The following LFNG variants were observed in gnomAD, a reference collection of about 807,000 sequenced individuals.
The protein encoded by LFNG is LFNG O-fucosylpeptide 3-beta-N-acetylglucosaminyltransferase, also known as beta-1,3-N-acetylglucosaminyltransferase lunatic fringe.
LFNG carries 15 observed loss-of-function variants against 32.7 expected under a neutral mutation model. That is an observed-to-expected ratio of 0.46 (90% CI 0.31 to 0.71). LFNG has a LOEUF of 0.71. LFNG is among the 30% of genes least tolerant of loss of function. LFNG has a pLI of 0.06. For missense variants in LFNG, 520 were observed against 545.7 expected (o/e 0.95, Z 0.47); for synonymous variants, 274 against 246.8 (o/e 1.11, Z -1.03).
upstream of LFNG, chr7:2,513,309 G>A (rs746517386): frequency 6.2e-7 from 1 of 1,606,762 alleles, no homozygotes; most frequent in Admixed American, 1.7e-5. Flanking sequence ...AGGTCCTACG[G>A]AGGTGGCCTC....
At chr7:2,524,544 C>T (rs1455372763) in intron 1 of LFNG, 151 bp from the exon 2 acceptor site, 8 of 750,056 alleles carry the variant, frequency 1.1e-5, no homozygotes, top group Non-Finnish European at 1.9e-5. Context: ...CTTCTCAGCA[C>T]GAGTGGGGAA....
At chr7:2,514,948 A>G (rs1357794056), upstream of LFNG, among the ~76,000 whole-genome samples, 2 of 151,342 alleles carry the variant, frequency 1.3e-5, no homozygotes, top group African/African-American at 4.9e-5. Context: ...CCATGTATCT[A>G]TCCATTCATC....
Position 2,527,358 on chromosome 7 carries a change from C to A in LFNG, c.*146C>A. On this transcript the variant is annotated 3_prime_UTR_variant, in exon 8 of 8. Transcript: ENST00000222725. This position sits in a 1 kb window ranked among gnomAD's most constrained non-coding sequence, Gnocchi z 4.4. ...TGTGCGTGTGTGTGTGTGTGTACTG[C>A]ATGCCCACCCGGGTAGCAGGCTGCT... The A allele has an allele frequency of 7.6e-6, 11 of 1,442,796 alleles. No homozygotes were observed. The highest frequency in any genetic ancestry group is 1.4e-5 in the South Asian group (1 of 72,600). 89.4% of individuals were successfully genotyped at this position (1,442,796 alleles called of 1,614,324 possible). A position where few individuals can be genotyped will look rare whatever the true frequency, so the allele number is the denominator to read the frequency against.
At chr7:2,521,462 G>T (rs1312018740) in intron 1 of LFNG, among the ~76,000 whole-genome samples, 1 of 152,212 alleles carries the variant, frequency 6.6e-6, no homozygotes, top group Non-Finnish European at 1.5e-5. Context: ...GAAAGGCGTC[G>T]GGCCCCTTGT....
Position 2,527,588 on chromosome 7 carries a change from C to G in LFNG, c.*376C>G, listed in dbSNP as rs1780031642. On this transcript the variant is annotated 3_prime_UTR_variant, in exon 8 of 8. Coordinates refer to ENST00000222725, the MANE Select transcript of LFNG (RefSeq NM_001040167.2). The surrounding 1 kb of genome is among the most constrained non-coding windows in gnomAD (Gnocchi z 4.4). The stretch of plus-strand genomic sequence containing the variant: ...AGGGATGCGATGCGTAGGTGCCTTT[C>G]TCTTCCTGCTGACCACAAGCTCTGT... The G allele has an allele frequency of 8.3e-7, 1 of 1,200,042 alleles. No individual in the cohort carries two copies. The highest frequency in any genetic ancestry group is 1.6e-5 in the South Asian group (1 of 61,256). The allele number at this position is 1,200,042 out of a possible 1,614,324, so 74.3% of individuals were successfully genotyped here. A position where few individuals can be genotyped will look rare whatever the true frequency, so the allele number is the denominator to read the frequency against.
chr7:2,512,590 G>A (rs1435101469), exon 1 of LFNG: 3 of 1,458,278 alleles, frequency 2.1e-6, no homozygotes, highest in African/African-American at 1.4e-5. Context: ...CAGAGGCCAA[G>A]GCGGCTCCTG....
At chr7:2,519,261 C>G (rs1357183658), upstream of LFNG, among the ~76,000 whole-genome samples, 1 of 152,164 alleles carries the variant, frequency 6.6e-6, no homozygotes, top group Non-Finnish European at 1.5e-5. Context: ...CTGAACCGAG[C>G]GCTCGGGAAG....
rs1780005621 is a variant in LFNG at position 2,527,077 on chromosome 7, G to A, written c.1074-69G>A. 6.6e-7 allele frequency: 1 copy of A among 1,520,460 alleles called. No homozygotes were observed. Among genetic ancestry groups the A allele is most frequent in the African/African-American group, 1.4e-5 (1 of 72,718 alleles). The allele number at this position is 1,520,460 out of a possible 1,614,324, so 94.2% of individuals were successfully genotyped here. A position where few individuals can be genotyped will look rare whatever the true frequency, so the allele number is the denominator to read the frequency against. On this transcript the variant is annotated intron_variant, in intron 7 of 7. Transcript: ENST00000222725. This position sits in a 1 kb window ranked among gnomAD's most constrained non-coding sequence, Gnocchi z 4.4. ...CTCGGGGTGGGGCCGCCAGTGTTGT[G>A]GGACTGCAAATGGGAGCTCAGCACC...
chr7:2,517,133 C>T (rs1161487565), upstream of LFNG, among the ~76,000 whole-genome samples: 1 of 152,192 alleles, frequency 6.6e-6, no homozygotes, highest in Non-Finnish European at 1.5e-5. Flanking sequence ...GACCTGGGGT[C>T]TGGATGGGGA....
In LFNG at chr7:2,526,981, T is replaced by G. The variant is rs1326989727; in HGVS notation, c.1073+60T>G. 4.0e-6 allele frequency: 6 copies of G among 1,513,818 alleles called. No individual in the cohort carries two copies. In the East Asian group the frequency reaches 1.4e-4, roughly 35 times the overall value. 93.8% of individuals were successfully genotyped at this position (1,513,818 alleles called of 1,614,324 possible). A position where few individuals can be genotyped will look rare whatever the true frequency, so the allele number is the denominator to read the frequency against. ...GGTGGCCTAGGGGCGTCAGGGGGCC[T>G]CGTGGAGCTGCAGCAGGGTCTCTCT... On this transcript the variant is annotated intron_variant, in intron 7 of 7. Transcript: ENST00000222725. The surrounding 1 kb of genome is among the most constrained non-coding windows in gnomAD (Gnocchi z 6.9).
intron 3 of LFNG, 24 bp from the exon 4 acceptor site, chr7:2,525,390 C>T (rs770149601): frequency 1.2e-6 from 2 of 1,612,588 alleles, no homozygotes; most frequent in Non-Finnish European, 1.7e-6. Flanking sequence ...ATGCCCTCCC[C>T]CGATGGCCCT....
Position 2,528,122 on chromosome 7 carries a change from G to GA in LFNG, c.*916dup, listed in dbSNP as rs1213038156. On this transcript the variant is annotated 3_prime_UTR_variant, in exon 8 of 8. Transcript: ENST00000222725. ...TTTATCTTATCTTTTCTGTGGATCAGAAAAAACAGAAGCCAAACTCGGGGT... is the reference window on the plus strand; with the variant it reads ...TTTATCTTATCTTTTCTGTGGATCAGAAAAAAACAGAAGCCAAACTCGGGGT... The GA allele has an allele frequency of 1.0e-6, 1 of 985,550 alleles. No homozygotes were observed. Among genetic ancestry groups the GA allele is most frequent in the South Asian group, 4.7e-5 (1 of 21,282 alleles). The allele number at this position is 985,550 out of a possible 1,614,324, so 61.1% of individuals were successfully genotyped here. A position where few individuals can be genotyped will look rare whatever the true frequency, so the allele number is the denominator to read the frequency against.
Position 2,526,776 on chromosome 7 carries a change from CTGGGGCGGGGCCCAGGGA to C in LFNG, c.988-57_988-40del. ...CCTCACTCAGGGCTGTGTGGCCAGC[CTGGGGCGGGGCCCAGGGA>C]TGTCGGGCCCCTCCCGGCATCACTC... On this transcript the variant is annotated intron_variant, in intron 6 of 7. Coordinates refer to ENST00000222725, the MANE Select transcript of LFNG (RefSeq NM_001040167.2). This position sits in a 1 kb window ranked among gnomAD's most constrained non-coding sequence, Gnocchi z 6.9. The C allele has an allele frequency of 6.5e-7, 1 of 1,539,914 alleles. No homozygotes were observed. Among genetic ancestry groups the C allele is most frequent in the Non-Finnish European group, 9.0e-7 (1 of 1,116,314 alleles).
chr7:2,513,589 A>G (rs60335938), upstream of LFNG, among the ~76,000 whole-genome samples: 12,749 of 151,950 alleles, frequency 0.084, 1,241 homozygotes, highest in African/African-American at 0.23. Context: ...ATCCCATCCC[A>G]CTGACATGGG....
chr7:2,513,458 G>A (rs1266236760), upstream of LFNG: 3 of 1,089,194 alleles, frequency 2.8e-6, no homozygotes, highest in Non-Finnish European at 3.8e-6. Context: ...GTAGCGATGG[G>A]GAGCCTGGGA....
At chr7:2,513,426 C>T (rs143980603), upstream of LFNG, 243 of 1,318,456 alleles carry the variant, frequency 1.8e-4, no homozygotes, top group African/African-American at 3.4e-3. Flanking sequence ...CTGATCCTTT[C>T]AAGGGGGAAA....
At chr7:2,519,133 G>T (rs574104912), upstream of LFNG, among the ~76,000 whole-genome samples, 1 of 152,324 alleles carries the variant, frequency 6.6e-6, no homozygotes, top group East Asian at 1.9e-4. Flanking sequence ...CCAGGATCGA[G>T]GAAATCAGCC....
chr7:2,518,002 A>G (rs1284602939), upstream of LFNG: 2 of 831,018 alleles, frequency 2.4e-6, no homozygotes, highest in Non-Finnish European at 3.1e-6. Context: ...CAGGGAAGAG[A>G]TGATGGGGAT....
chr7:2,526,799 G>A lies in LFNG; in HGVS notation c.988-37G>A, dbSNP rs13225716. 0.081 allele frequency: 129,030 copies of A among 1,598,972 alleles called. 5,946 individuals carry two copies. The highest frequency in any genetic ancestry group is 0.12 in the Admixed American group (7,361 of 59,746). On this transcript the variant is annotated intron_variant, in intron 6 of 7. Transcript: ENST00000222725. This position sits in a 1 kb window ranked among gnomAD's most constrained non-coding sequence, Gnocchi z 6.9. ...GCCTGGGGCGGGGCCCAGGGATGTCGGGCCCCTCCCGGCATCACTCCGCCC... is the reference window on the plus strand; with the variant it reads ...GCCTGGGGCGGGGCCCAGGGATGTCAGGCCCCTCCCGGCATCACTCCGCCC...
Sources: allele counts gnomAD v4.1 joint callset (sites outside exome capture counted in the v4.1 genomes callset), GRCh38; gene constraint gnomAD v4.1.1; non-coding constraint Gnocchi (gnomAD v3.1); transcripts MANE v1.5; gene names NCBI Gene and HGNC (gene_info 2026-07-23, HGNC 2026-07-21).